The following PDE2A variants were observed in gnomAD, a reference collection of about 807,000 sequenced individuals.
The protein encoded by PDE2A is cGMP-dependent 3',5'-cyclic phosphodiesterase.
PDE2A carries 53 observed loss-of-function variants against 133.6 expected under a neutral mutation model. The ratio of observed to expected loss-of-function variants is 0.40; its 90% CI spans 0.32 to 0.50. PDE2A has a LOEUF of 0.50. Among genes scored for constraint, PDE2A ranks in the 20% least tolerant of loss-of-function variants. PDE2A has a pLI of 0.73. For missense variants in PDE2A, 796 were observed against 1,232.4 expected, an observed-to-expected ratio of 0.65 and a Z score of 5.30; for synonymous variants, 491 against 490.2, an observed-to-expected ratio of 1.00 and a Z score of -0.02.
intron 1 of PDE2A, among the ~76,000 whole-genome samples, chr11:72,672,135 C>T (rs927181695): frequency 6.6e-6 from 1 of 152,020 alleles, no homozygotes; most frequent in African/African-American, 2.4e-5. Flanking sequence ...TCAACCCAGA[C>T]AATGCCACCG....
intron 2 of PDE2A, among the ~76,000 whole-genome samples, chr11:72,639,790 T>C (rs1351492764): frequency 6.6e-6 from 1 of 151,988 alleles, no homozygotes; most frequent in Non-Finnish European, 1.5e-5. Context: ...TAGGGGCAGC[T>C]GGGGTTGGGG....
At chr11:72,602,498 G>T (rs1215119479) in intron 4 of PDE2A, among the ~76,000 whole-genome samples, 1 of 152,168 alleles carries the variant, frequency 6.6e-6, no homozygotes, top group Non-Finnish European at 1.5e-5. Context: ...TAGAGCCTCA[G>T]GCTCCACGGC....
chr11:72,629,020 A>G (rs1858233941), intron 2 of PDE2A, among the ~76,000 whole-genome samples: 1 of 152,222 alleles, frequency 6.6e-6, no homozygotes, highest in Non-Finnish European at 1.5e-5. Context: ...CCCTGCCAAG[A>G]GTCCAGGCAG....
chr11:72,584,084 G>A (rs927314920), intron 19 of PDE2A, 117 bp downstream of exon 19: 3 of 641,970 alleles, frequency 4.7e-6, no homozygotes, highest in Non-Finnish European at 8.3e-6. Context: ...GCGGGACTCT[G>A]AGTGCCAGAC....
At chr11:72,594,185 A>G (rs1856373816) in intron 6 of PDE2A, among the ~76,000 whole-genome samples, 1 of 152,162 alleles carries the variant, frequency 6.6e-6, no homozygotes, top group Admixed American at 6.5e-5. Context: ...CAACTGATGG[A>G]TGAGGGGGTG....
chr11:72,664,927 C>A (rs1855191453), intron 1 of PDE2A, among the ~76,000 whole-genome samples: 2 of 151,996 alleles, frequency 1.3e-5, no homozygotes, highest in Admixed American at 1.3e-4. Flanking sequence ...CTGCCTCAGC[C>A]CCCCGAGTAG....
intron 1 of PDE2A, among the ~76,000 whole-genome samples, chr11:72,660,238 TA>T (rs921104269): frequency 2.6e-5 from 4 of 152,144 alleles, no homozygotes; most frequent in African/African-American, 9.7e-5. Flanking sequence ...AAAACAGATG[TA>T]AAAAATTAAA....
intron 2 of PDE2A, among the ~76,000 whole-genome samples, chr11:72,632,962 T>G (rs1235740807): frequency 3.3e-5 from 5 of 152,036 alleles, no homozygotes; most frequent in Non-Finnish European, 7.4e-5. Context: ...TATTCCCAGC[T>G]CCCTGTAATC....
chr11:72,590,452 G>A lies in PDE2A; in HGVS notation c.678C>T (p.Arg226=). ...CGCACAGTTGGAGGATCTTGCGGTC[G>A]CGGTCGGTGTACGCCGCCCCGCCCT... ...DQKGGAAYTD[R]DRKILQLCGE... is the part of the protein sequence containing the mutation. Residue 226 remains arginine, a synonymous_variant, in exon 8 of 31, where the codon CGC becomes CGT. Transcript: ENST00000334456. The surrounding 1 kb of genome is among the most constrained non-coding windows in gnomAD (Gnocchi z 4.8). The A allele has an allele frequency of 6.4e-7, 1 of 1,551,694 alleles. No homozygotes were observed. The highest frequency in any genetic ancestry group is 8.7e-7 in the Non-Finnish European group (1 of 1,149,356).
chr11:72,601,666 G>T (rs577735807), intron 4 of PDE2A, among the ~76,000 whole-genome samples: 5 of 152,244 alleles, frequency 3.3e-5, no homozygotes, highest in Admixed American at 1.3e-4. Context: ...AAGATAGCAG[G>T]AGACACAAGA....
At position 72,636,114 on chromosome 11, in the gene PDE2A, A is replaced by C. The variant is rs1022151537; in HGVS notation, c.144+6140T>G. The C allele has an allele frequency of 2.4e-6, 3 of 1,228,196 alleles. No homozygotes were observed. The African/African-American group carries it at 4.6e-5, about 19-fold the overall frequency. The allele number at this position is 1,228,196 out of a possible 1,614,324, so 76.1% of individuals were successfully genotyped here. A position where few individuals can be genotyped will look rare whatever the true frequency, so the allele number is the denominator to read the frequency against. ...GGAAAGGCAGAATGCCTGCCCCCTG[A>C]AGCCACCAGCCAGAGTACAGGCTCT... On this transcript the variant is annotated intron_variant, in intron 2 of 30. Transcript: ENST00000334456.
At chr11:72,644,724 ATTTATTTTATTTTAT>A (rs71062783) in intron 1 of PDE2A, among the ~76,000 whole-genome samples, 62,879 of 148,498 alleles carry the variant, frequency 0.42, 13,901 homozygotes, top group African/African-American at 0.55. Flanking sequence ...AAGTTATTTT[ATTTATTTTATTTTAT>A]TTTATTTTAT....
At position 72,597,471 on chromosome 11, in the gene PDE2A, TGC is replaced by T. The variant is rs1279319976; in HGVS notation, c.433+37_433+38del. 1 of 295,384 alleles carries T rather than the reference TGC, an allele frequency of 3.4e-6. No individual in the cohort carries two copies. Among genetic ancestry groups the T allele is most frequent in the African/African-American group, 3.6e-4 (1 of 2,816 alleles). 18.3% of individuals were successfully genotyped at this position (295,384 alleles called of 1,614,324 possible). On this transcript the variant is annotated intron_variant, in intron 5 of 30. Transcript: ENST00000334456. The surrounding 1 kb of genome is among the most constrained non-coding windows in gnomAD (Gnocchi z 4.6). ...GAGTGCAGGGGCCACAGTCCCTCCC[TGC>T]CCCTGCCCCTGCCCCTGCCCAGCCC... is the stretch of plus-strand genomic sequence containing the variant.
In PDE2A at chr11:72,577,113, G is replaced by C. The variant is rs1855503369; in HGVS notation, c.*271C>G. ...GAATGGCTTGGGAAAGACTTGCCAAGGTGTGGTCAGAGGTGCAGAGTAGGG... is the reference window on the plus strand; with the variant it reads ...GAATGGCTTGGGAAAGACTTGCCAACGTGTGGTCAGAGGTGCAGAGTAGGG... On this transcript the variant is annotated 3_prime_UTR_variant, in exon 31 of 31. Transcript: ENST00000334456. 7.4e-6 allele frequency: 3 copies of C among 406,144 alleles called. No individual in the cohort carries two copies. In the Admixed American group the frequency reaches 1.2e-4, roughly 16 times the overall value. 25.2% of individuals were successfully genotyped at this position (406,144 alleles called of 1,614,324 possible).
intron 2 of PDE2A, among the ~76,000 whole-genome samples, chr11:72,628,118 T>C (rs1858177282): frequency 6.6e-6 from 1 of 152,222 alleles, no homozygotes; most frequent in South Asian, 2.1e-4. Flanking sequence ...AGCCCAGCTC[T>C]GCAGAGCATC....
intron 2 of PDE2A, among the ~76,000 whole-genome samples, chr11:72,615,786 C>G (rs544534235): frequency 6.6e-6 from 1 of 152,192 alleles, no homozygotes; most frequent in African/African-American, 2.4e-5. Context: ...CTGGGGCCCA[C>G]GAGGCAGCTC....
chr11:72,586,682 A>G (rs943569651), intron 13 of PDE2A, among the ~76,000 whole-genome samples: 3 of 152,228 alleles, frequency 2.0e-5, no homozygotes, highest in Non-Finnish European at 4.4e-5. Flanking sequence ...GTGAGACAAG[A>G]TAAGCCCCAA....
Position 72,590,314 on chromosome 11 carries a change from G to T in PDE2A, c.704-70C>A, listed in dbSNP as rs771193395. On this transcript the variant is annotated intron_variant, in intron 8 of 30. Coordinates refer to ENST00000334456, the MANE Select transcript of PDE2A (RefSeq NM_002599.5). This position sits in a 1 kb window ranked among gnomAD's most constrained non-coding sequence, Gnocchi z 4.8. ...TCCGTGTCCGGGTCCCTCAGGCGCC[G>T]CTCAGCTCCGCGCCGGGCCCGCCGC... is the stretch of plus-strand genomic sequence containing the variant. The T allele has an allele frequency of 2.0e-4, 308 of 1,537,366 alleles. No homozygotes were observed. Among genetic ancestry groups the T allele is most frequent in the Non-Finnish European group, 2.6e-4 (299 of 1,135,296 alleles).
chr11:72,661,180 C>A lies in PDE2A; in HGVS notation c.71+12957G>T, dbSNP rs138964843. Among the ~76,000 whole-genome samples, 817 of 152,198 alleles carry A rather than the reference C, an allele frequency of 5.4e-3. 5 individuals are homozygous for A. The highest frequency in any genetic ancestry group is 0.012 in the Admixed American group (180 of 15,292). On this transcript the variant is annotated intron_variant, in intron 1 of 30. Coordinates refer to ENST00000334456, the MANE Select transcript of PDE2A (RefSeq NM_002599.5). Reference sequence around the variant, plus strand: ...ATTAGCCAGGCATGGTGGTGCGCACCTGTAATCCCAGCTACTCGGGAGGCT... The same window carrying A: ...ATTAGCCAGGCATGGTGGTGCGCACATGTAATCCCAGCTACTCGGGAGGCT...
Sources: gnomAD v4.1 joint callset for allele counts (sites outside exome capture counted in the v4.1 genomes callset) on GRCh38, gnomAD v4.1.1 for gene constraint, Gnocchi (gnomAD v3.1) non-coding constraint, MANE v1.5 for transcripts, NCBI Gene and HGNC (gene_info 2026-07-23, HGNC 2026-07-21) for gene names.